Variants in EXT1 observed in about 807,000 individuals in gnomAD.
EXT1 encodes the protein exostosin glycosyltransferase 1, also known as exostosin-1.
EXT1 carries 20 observed loss-of-function variants against 82.5 expected under a neutral mutation model. The ratio of observed to expected loss-of-function variants is 0.24; its 90% confidence interval spans 0.17 to 0.35. The LOEUF (loss-of-function observed/expected upper bound fraction) is 0.35. Ranked by LOEUF, EXT1 falls within the 10% of genes least tolerant of loss-of-function variation. The probability of loss-of-function intolerance (pLI) is 1.00; values close to 1 mark genes in which losing one functional copy is unlikely to be tolerated. For missense variants in EXT1, 757 were observed against 936.5 expected, an observed-to-expected ratio of 0.81 and a Z score of 2.50; for synonymous variants, 348 against 350.8, an observed-to-expected ratio of 0.99 and a Z score of 0.09.
intron 1 of EXT1, among the ~76,000 whole-genome samples, chr8:118,045,892 T>G (rs1176282715): frequency 6.6e-6 from 1 of 151,930 alleles, no homozygotes; most frequent in Non-Finnish European, 1.5e-5. Context: ...AACTCCCAGG[T>G]TGAAGCGATT....
At chr8:117,832,931 G>A (rs1015524780) in intron 3 of EXT1, among the ~76,000 whole-genome samples, 12 of 152,098 alleles carry the variant, frequency 7.9e-5, no homozygotes, top group Non-Finnish European at 1.3e-4. Flanking sequence ...CTTAATAAAA[G>A]GTCATGTATG....
intron 1 of EXT1, among the ~76,000 whole-genome samples, chr8:118,090,446 G>C (rs1425630963): frequency 1.3e-5 from 2 of 151,716 alleles, no homozygotes; most frequent in Non-Finnish European, 2.9e-5. Context: ...ATTGTCTAGG[G>C]ATGAACCGTG....
intron 1 of EXT1, among the ~76,000 whole-genome samples, chr8:117,922,857 T>G (rs1813882708): frequency 6.6e-6 from 1 of 152,180 alleles, no homozygotes; most frequent in Admixed American, 6.5e-5. Context: ...TTAACCAGTT[T>G]CCATTGCTTT....
At chr8:117,808,984 C>T (rs1244626754) in intron 8 of EXT1, among the ~76,000 whole-genome samples, 2 of 151,698 alleles carry the variant, frequency 1.3e-5, no homozygotes, top group African/African-American at 4.8e-5. Context: ...CTTCTATTGC[C>T]CTTGGACTGG....
chr8:118,048,204 G>A (rs1366534897), intron 1 of EXT1, among the ~76,000 whole-genome samples: 1 of 152,144 alleles, frequency 6.6e-6, no homozygotes, highest in Non-Finnish European at 1.5e-5. Flanking sequence ...GGCAAGAAGA[G>A]AGAAACCTTT....
At position 117,968,567 on chromosome 8, in the gene EXT1, T is replaced by A. The variant is rs1039117740; in HGVS notation, c.963-131366A>T. ...TTTATTTATTTATTTTTTTTTTTTT[T>A]TTTTTTTTTTTTTTTTTTTTGAGAC... On this transcript the variant is annotated intron_variant, in intron 1 of 10. Transcript: ENST00000378204. Among the ~76,000 whole-genome samples, 50 of 10,988 alleles carry A rather than the reference T, an allele frequency of 4.6e-3. 4 individuals are homozygous for A. In the East Asian group the frequency reaches 0.07, roughly 15 times the overall value. The allele number at this position is 10,988 out of a possible 152,430, so 7.2% of individuals were successfully genotyped here. A position where few individuals can be genotyped will look rare whatever the true frequency, so the allele number is the denominator to read the frequency against.
At chr8:117,972,321 G>A (rs960930860) in intron 1 of EXT1, among the ~76,000 whole-genome samples, 2 of 152,096 alleles carry the variant, frequency 1.3e-5, no homozygotes, top group South Asian at 2.1e-4. Flanking sequence ...AATAAATATC[G>A]TGGAGGTATA....
chr8:117,887,609 C>G (rs1019371862), intron 1 of EXT1, among the ~76,000 whole-genome samples: 4 of 152,072 alleles, frequency 2.6e-5, no homozygotes, highest in Admixed American at 2.6e-4. Context: ...CTTGGTCTCC[C>G]AAAGTGCTGG....
intron 3 of EXT1, 57 bp from the exon 4 acceptor site, chr8:117,830,406 G>T: frequency 1.3e-6 from 2 of 1,598,804 alleles, no homozygotes; most frequent in South Asian, 1.1e-5. Flanking sequence ...AGATGCACTT[G>T]ATCAAAATAA....
chr8:117,937,577 A>G (rs1265222033), intron 1 of EXT1, among the ~76,000 whole-genome samples: 2 of 152,270 alleles, frequency 1.3e-5, no homozygotes. Context: ...GCTGGAAGCC[A>G]GAAGCCATGA....
intron 1 of EXT1, among the ~76,000 whole-genome samples, chr8:117,940,375 T>G (rs141397300): frequency 6.6e-6 from 1 of 151,896 alleles, no homozygotes; most frequent in Non-Finnish European, 1.5e-5. Flanking sequence ...GTGGAAAGAG[T>G]GGCAAGCTGA....
In EXT1 at chr8:117,858,786, CAGGCA is replaced by C. The variant is rs1308067031; in HGVS notation, c.963-21590_963-21586del. On this transcript the variant is annotated intron_variant, in intron 1 of 10. Coordinates refer to ENST00000378204, the MANE Select transcript of EXT1 (RefSeq NM_000127.3). ...GAAGGAAGGCAGGCAGGCAGGCAGG[CAGGCA>C]AGGCAAGGCAAGGCAAGGCAGGAAG... Among the ~76,000 whole-genome samples the C allele has an allele frequency of 1.2e-4, 12 of 103,662 alleles. No individual in the cohort carries two copies. The South Asian group carries it at 1.4e-3, about 12-fold the overall frequency. The allele number at this position is 103,662 out of a possible 152,430, so 68.0% of individuals were successfully genotyped here.
chr8:117,949,207 G>A (rs1814443831), intron 1 of EXT1, among the ~76,000 whole-genome samples: 1 of 152,046 alleles, frequency 6.6e-6, no homozygotes, highest in Non-Finnish European at 1.5e-5. Flanking sequence ...AAGTATATTA[G>A]GAATTTGTTT....
intron 1 of EXT1, among the ~76,000 whole-genome samples, chr8:118,094,749 T>TA (rs1463944842): frequency 6.6e-6 from 1 of 152,188 alleles, no homozygotes; most frequent in Non-Finnish European, 1.5e-5. Context: ...CCAGAACCCT[T>TA]ATGTGTAACC....
intron 1 of EXT1, among the ~76,000 whole-genome samples, chr8:118,070,336 A>T (rs1004592233): frequency 1.2e-4 from 18 of 151,672 alleles, no homozygotes; most frequent in South Asian, 4.2e-4. Context: ...ACAGTTATTT[A>T]AAAAAAATCC....
chr8:117,865,423 A>G (rs576074982), intron 1 of EXT1, among the ~76,000 whole-genome samples: 1 of 152,296 alleles, frequency 6.6e-6, no homozygotes, highest in Non-Finnish European at 1.5e-5. Context: ...AGAGGAGCCT[A>G]TGAGGTCATC....
At chr8:117,916,505 A>G (rs1054554974) in intron 1 of EXT1, among the ~76,000 whole-genome samples, 6 of 152,250 alleles carry the variant, frequency 3.9e-5, no homozygotes, top group Non-Finnish European at 7.3e-5. Context: ...GAGTTTGAGA[A>G]TAGCAACATA....
At chr8:117,884,269 C>A (rs759789822) in intron 1 of EXT1, among the ~76,000 whole-genome samples, 1 of 152,206 alleles carries the variant, frequency 6.6e-6, no homozygotes, top group Non-Finnish European at 1.5e-5. Context: ...AAGAAAGAGT[C>A]TTCCATTCCC....
Position 118,090,400 on chromosome 8 carries a change from A to G in EXT1, c.962+19685T>C, listed in dbSNP as rs143085732. Among the ~76,000 whole-genome samples the G allele has an allele frequency of 4.9e-3, 739 of 152,184 alleles. 5 individuals carry two copies. The highest frequency in any genetic ancestry group is 0.017 in the African/African-American group (707 of 41,520). ...GTGCCACTGTCATCCAGCCTGGGCA[A>G]CAGAGCAAGACCGTGTCTTGAAAAA... On this transcript the variant is annotated intron_variant, in intron 1 of 10. Coordinates refer to ENST00000378204, the MANE Select transcript of EXT1 (RefSeq NM_000127.3).
Sources: allele counts gnomAD v4.1 joint callset (sites outside exome capture counted in the v4.1 genomes callset), GRCh38; gene constraint gnomAD v4.1.1; transcripts MANE v1.5; gene names NCBI Gene and HGNC (gene_info 2026-07-23, HGNC 2026-07-21).